ATCAY: variants seen among roughly 807,000 people sequenced by gnomAD.
ATCAY encodes caytaxin.
A neutral mutation model predicts 47.7 loss-of-function variants in ATCAY; 22 were observed. The ratio of observed to expected loss-of-function variants is 0.46; its 90% CI spans 0.33 to 0.66. The LOEUF is 0.66. ATCAY is among the 30% of genes least tolerant of loss of function. The probability of loss-of-function intolerance (pLI) is 0.02; values close to 1 mark genes in which losing one functional copy is unlikely to be tolerated. For missense variants in ATCAY, 452 were observed against 515.0 expected, an observed-to-expected ratio of 0.88 and a Z score of 1.18; for synonymous variants, 216 against 207.6, an observed-to-expected ratio of 1.04 and a Z score of -0.35.
chr19:3,908,183 C>T (rs2038882498), intron 5 of ATCAY, 85 bp from the exon 6 acceptor site: 2 of 1,227,056 alleles, frequency 1.6e-6, no homozygotes, highest in South Asian at 2.7e-5. Flanking sequence ...AGCGTGTGGG[C>T]ACCGGGACGT....
At chr19:3,893,042 T>G (rs1417279233) in intron 2 of ATCAY, among the ~76,000 whole-genome samples, 2 of 151,540 alleles carry the variant, frequency 1.3e-5, no homozygotes, top group Non-Finnish European at 2.9e-5. Context: ...TACTGGGTTG[T>G]GTGTTTACTG....
intron 1 of ATCAY, among the ~76,000 whole-genome samples, chr19:3,883,566 G>A (rs952088229): frequency 6.6e-6 from 1 of 152,168 alleles, no homozygotes; most frequent in Admixed American, 6.5e-5. Context: ...GTCATTCTTG[G>A]TCATGGGCGG....
intron 2 of ATCAY, among the ~76,000 whole-genome samples, chr19:3,888,315 C>G (rs893594429): frequency 6.6e-6 from 1 of 151,956 alleles, no homozygotes; most frequent in African/African-American, 2.4e-5. Context: ...AGGTGTGTTC[C>G]GCCTGAAAAA....
chr19:3,908,816 C>CT, intron 6 of ATCAY, among the ~76,000 whole-genome samples: 1 of 74,142 alleles, frequency 1.3e-5, no homozygotes, highest in Non-Finnish European at 3.0e-5. Context: ...CCACCTCATC[C>CT]TCTTTCTCTT....
At chr19:3,912,604 G>C (rs932551934) in intron 8 of ATCAY, among the ~76,000 whole-genome samples, 3 of 152,022 alleles carry the variant, frequency 2.0e-5, no homozygotes, top group African/African-American at 4.8e-5. Context: ...ATACGGCCAG[G>C]TGTGGTGACC....
chr19:3,900,669 G>A (rs914058450), intron 2 of ATCAY, among the ~76,000 whole-genome samples: 1 of 150,000 alleles, frequency 6.7e-6, no homozygotes, highest in African/African-American at 2.4e-5. Flanking sequence ...CCTGATAGCT[G>A]GGATTACAGG....
intron 2 of ATCAY, among the ~76,000 whole-genome samples, chr19:3,889,101 C>T (rs1434305344): frequency 6.6e-6 from 1 of 152,032 alleles, no homozygotes; most frequent in African/African-American, 2.4e-5. Context: ...AAGACCTCGT[C>T]TCTTAAAAAA....
chr19:3,883,891 C>A (rs1301844982), intron 1 of ATCAY, among the ~76,000 whole-genome samples: 1 of 152,162 alleles, frequency 6.6e-6, no homozygotes, highest in Non-Finnish European at 1.5e-5. Flanking sequence ...TGCCCCAGAG[C>A]AGACCACAAC....
chr19:3,887,932 C>A (rs1399879695), intron 2 of ATCAY, among the ~76,000 whole-genome samples: 1 of 150,932 alleles, frequency 6.6e-6, no homozygotes, highest in Non-Finnish European at 1.5e-5. Context: ...CATAGTGAAA[C>A]CCTGTCTCTA....
intron 12 of ATCAY, among the ~76,000 whole-genome samples, chr19:3,922,417 CT>C (rs2039029056): frequency 6.6e-6 from 1 of 152,172 alleles, no homozygotes; most frequent in Non-Finnish European, 1.5e-5. Flanking sequence ...GGGAAAGCCC[CT>C]TATAAAACCA....
At chr19:3,888,824 T>G (rs1480641792) in intron 2 of ATCAY, among the ~76,000 whole-genome samples, 2 of 152,084 alleles carry the variant, frequency 1.3e-5, no homozygotes, top group African/African-American at 2.4e-5. Context: ...CCCATTCATG[T>G]CCAGGCAGAA....
intron 6 of ATCAY, 48 bp from the exon 7 acceptor site, chr19:3,909,438 C>A: frequency 6.3e-7 from 1 of 1,596,844 alleles, no homozygotes; most frequent in Non-Finnish European, 8.6e-7. Flanking sequence ...GTGTCCTGAC[C>A]CTGGACCCCT....
At chr19:3,894,251 G>A (rs532290870) in intron 2 of ATCAY, among the ~76,000 whole-genome samples, 12 of 152,068 alleles carry the variant, frequency 7.9e-5, no homozygotes, top group African/African-American at 2.4e-4. Flanking sequence ...TTGGGAGGCC[G>A]AGGCGGGCAG....
At chr19:3,921,412 A>T (rs987872838) in intron 12 of ATCAY, among the ~76,000 whole-genome samples, 7 of 151,654 alleles carry the variant, frequency 4.6e-5, no homozygotes, top group Non-Finnish European at 1.0e-4. Context: ...CCTGGGCAAT[A>T]GGGCTAGACT....
At chr19:3,887,249 A>G (rs1167518124) in intron 2 of ATCAY, among the ~76,000 whole-genome samples, 1 of 151,828 alleles carries the variant, frequency 6.6e-6, no homozygotes, top group East Asian at 2.0e-4. Flanking sequence ...ATAGAGCTCA[A>G]GAGTTCGAAA....
chr19:3,903,105 C>T (rs958124655), intron 3 of ATCAY, among the ~76,000 whole-genome samples: 6 of 152,008 alleles, frequency 3.9e-5, no homozygotes, highest in African/African-American at 1.4e-4. Context: ...TTCTGAGTAG[C>T]TGGGACTACA....
chr19:3,897,688 T>G lies in ATCAY; in HGVS notation c.78-4799T>G, dbSNP rs1424577491. The stretch of plus-strand genomic sequence containing the variant: ...TTTGGGAGGCCGAGGCAGGTGGATC[T>G]CCTGAGCTCAGGAGTTCGAGACCAG... On this transcript the variant is annotated intron_variant, in intron 2 of 12. Transcript: ENST00000450849. Among the ~76,000 whole-genome samples the G allele has an allele frequency of 2.0e-5, 3 of 151,898 alleles. No homozygotes were observed. In the East Asian group the frequency reaches 5.9e-4, roughly 30 times the overall value.
At chr19:3,891,117 C>T (rs915558065) in intron 2 of ATCAY, among the ~76,000 whole-genome samples, 1 of 150,934 alleles carries the variant, frequency 6.6e-6, no homozygotes, top group Admixed American at 6.6e-5. Flanking sequence ...AGTGGTGCAA[C>T]CTCAGCTCAC....
At chr19:3,916,964 C>G (rs576260288) in intron 9 of ATCAY, among the ~76,000 whole-genome samples, 10 of 152,042 alleles carry the variant, frequency 6.6e-5, no homozygotes, top group African/African-American at 2.2e-4. Context: ...CCTGCCACCA[C>G]GCCCAGCTAA....
Sources: gnomAD v4.1 joint callset for allele counts (sites outside exome capture counted in the v4.1 genomes callset) on GRCh38, gnomAD v4.1.1 for gene constraint, MANE v1.5 for transcripts, NCBI Gene and HGNC (gene_info 2026-07-23, HGNC 2026-07-21) for gene names.